The following SLC35A1 variants were observed in gnomAD, a reference collection of about 807,000 sequenced individuals.
The protein encoded by SLC35A1 is CMP-sialic acid transporter.
In SLC35A1, 21 loss-of-function variants were observed where a neutral mutation model predicts 40.3. That is an observed-to-expected ratio of 0.52 (90% CI 0.37 to 0.75). The LOEUF (loss-of-function observed/expected upper bound fraction) is 0.75, where lower values mean the gene tolerates loss of function less well. SLC35A1 is among the 30% of genes least tolerant of loss of function. The pLI is 0.00. For missense variants in SLC35A1, 297 were observed against 382.1 expected, an observed-to-expected ratio of 0.78 and a Z score of 1.86; for synonymous variants, 146 against 147.3, an observed-to-expected ratio of 0.99 and a Z score of 0.06.
rs546238007 is a variant in SLC35A1 at position 87,511,231 on chromosome 6, C to G, written c.887-168C>G. Among the ~76,000 whole-genome samples, 4 of 152,160 alleles carry G rather than the reference C, an allele frequency of 2.6e-5. No individual in the cohort carries two copies. In the South Asian group the frequency reaches 8.3e-4, roughly 32 times the overall value. On this transcript the variant is annotated intron_variant, in intron 7 of 7. Coordinates refer to ENST00000369552, the MANE Select transcript of SLC35A1 (RefSeq NM_006416.5). ...CTTGATTTTACCCGCCCTGCCTCCC[C>G]CTCTCCTTTTTTTTGGCTGTAATGG...
intron 4 of SLC35A1, among the ~76,000 whole-genome samples, chr6:87,502,004 CTACAGTTGAATATT>C (rs1769935371): frequency 6.6e-6 from 1 of 152,192 alleles, no homozygotes; most frequent in Admixed American, 6.5e-5. Context: ...CAGGAGTTTC[CTACAGTTGAATATT>C]TACTCTAACT....
At position 87,477,792 on chromosome 6, in the gene SLC35A1, C is replaced by T. The variant is rs76188279; in HGVS notation, c.194+253C>T. On this transcript the variant is annotated intron_variant, in intron 2 of 7. Transcript: ENST00000369552. ...TGACAGCCTCACAACAAAGATTTATCCAGCCCCAAATGTCAGTACTGCTGA... is the reference window on the plus strand; with the variant it reads ...TGACAGCCTCACAACAAAGATTTATTCAGCCCCAAATGTCAGTACTGCTGA... Among the ~76,000 whole-genome samples the T allele has an allele frequency of 0.077, 11,659 of 152,130 alleles. 476 individuals carry two copies. Among genetic ancestry groups the T allele is most frequent in the East Asian group, 0.096 (496 of 5,176 alleles).
At chr6:87,504,678 C>T (rs1017278766) in intron 4 of SLC35A1, among the ~76,000 whole-genome samples, 1 of 152,216 alleles carries the variant, frequency 6.6e-6, no homozygotes, top group Admixed American at 6.5e-5. Context: ...GTTCCCATCA[C>T]ATCTACTTCA....
intron 4 of SLC35A1, among the ~76,000 whole-genome samples, 185 bp downstream of exon 4, chr6:87,501,495 CT>C (rs1179160053): frequency 1.3e-5 from 2 of 152,046 alleles, no homozygotes; most frequent in African/African-American, 4.8e-5. Context: ...TTGGTTGTTT[CT>C]CAGAGGAGAA....
chr6:87,511,283 A>G, intron 7 of SLC35A1, 116 bp from the exon 8 acceptor site: 1 of 1,139,026 alleles, frequency 8.8e-7, no homozygotes, highest in Non-Finnish European at 1.3e-6. Flanking sequence ...TTGCCATCAT[A>G]AAAATATGAT....
chr6:87,499,796 A>G (rs1372660514), intron 2 of SLC35A1, among the ~76,000 whole-genome samples: 3 of 152,206 alleles, frequency 2.0e-5, no homozygotes, highest in Non-Finnish European at 4.4e-5. Flanking sequence ...TTTATTTGCA[A>G]TTAAATCTAT....
At chr6:87,496,285 A>G (rs2127972081) in intron 2 of SLC35A1, 1 of 152,348 alleles carries the variant, frequency 6.6e-6, no homozygotes, top group Middle Eastern at 3.4e-3. Flanking sequence ...AAGGTTGCAC[A>G]GGGTCTATTC....
chr6:87,511,687 T>A lies in SLC35A1; in HGVS notation c.*161T>A. The A allele has an allele frequency of 1.3e-6, 1 of 768,610 alleles. No individual in the cohort carries two copies. The highest frequency in any genetic ancestry group is 2.6e-5 in the East Asian group (1 of 38,198). 47.6% of individuals were successfully genotyped at this position (768,610 alleles called of 1,614,324 possible). A position where few individuals can be genotyped will look rare whatever the true frequency, so the allele number is the denominator to read the frequency against. On this transcript the variant is annotated 3_prime_UTR_variant, in exon 8 of 8. Transcript: ENST00000369552. ...CAACAAACAAACGAAGCTATCTGAG[T>A]GAACTGCTAATACAGAAACTTAATG... is the stretch of plus-strand genomic sequence containing the variant.
intron 2 of SLC35A1, among the ~76,000 whole-genome samples, chr6:87,484,071 C>T (rs903896892): frequency 3.3e-5 from 5 of 152,176 alleles, no homozygotes; most frequent in East Asian, 1.9e-4. Context: ...TACTGGCTCC[C>T]GTGGTTTCTT....
chr6:87,483,684 TCTTGC>T (rs967891389), intron 2 of SLC35A1, among the ~76,000 whole-genome samples: 1 of 152,048 alleles, frequency 6.6e-6, no homozygotes, highest in African/African-American at 2.4e-5. Flanking sequence ...ACCAGGGATG[TCTTGC>T]CTTGCCTGCT....
intron 7 of SLC35A1, among the ~76,000 whole-genome samples, chr6:87,510,195 A>G (rs972389403): frequency 1.3e-5 from 2 of 152,184 alleles, no homozygotes; most frequent in African/African-American, 2.4e-5. Flanking sequence ...GTTTGACACT[A>G]CTTACCAACC....
At chr6:87,480,604 G>T (rs1448820411) in intron 2 of SLC35A1, among the ~76,000 whole-genome samples, 1 of 152,192 alleles carries the variant, frequency 6.6e-6, no homozygotes, top group East Asian at 1.9e-4. Flanking sequence ...GGCAGTTGTA[G>T]GAGGTAGAGC....
intron 2 of SLC35A1, among the ~76,000 whole-genome samples, chr6:87,499,371 T>A (rs1301285450): frequency 1.3e-5 from 2 of 152,214 alleles, no homozygotes; most frequent in African/African-American, 4.8e-5. Flanking sequence ...CTTAAGGATA[T>A]CGTGAGCTGC....
chr6:87,504,984 T>C (rs1428561022), intron 4 of SLC35A1, among the ~76,000 whole-genome samples: 1 of 152,230 alleles, frequency 6.6e-6, no homozygotes, highest in Non-Finnish European at 1.5e-5. Context: ...AACTGGAAGG[T>C]TGGTTGAAAC....
chr6:87,479,464 C>T lies in SLC35A1; in HGVS notation c.194+1925C>T, dbSNP rs192945572. On this transcript the variant is annotated intron_variant, in intron 2 of 7. Transcript: ENST00000369552. ...TGTTATTCCTTTCCATTTACCGAAC[C>T]ACTTTTCTAGCCATCCTGTAAAGGG... 4.2e-3 allele frequency among the ~76,000 whole-genome samples: 641 copies of T among 152,274 alleles called. 6 individuals carry two copies. Among genetic ancestry groups the T allele is most frequent in the African/African-American group, 0.013 (547 of 41,546 alleles).
At chr6:87,482,167 T>C (rs62419373) in intron 2 of SLC35A1, among the ~76,000 whole-genome samples, 4,834 of 152,304 alleles carry the variant, frequency 0.032, 109 homozygotes, top group Middle Eastern at 0.058. Context: ...AACATCGCTT[T>C]CTTTAAATAA....
At chr6:87,477,259 T>C (rs1394615988) in intron 1 of SLC35A1, 103 bp from the exon 2 acceptor site, 1 of 1,115,578 alleles carries the variant, frequency 9.0e-7, no homozygotes, top group Non-Finnish European at 1.3e-6. Flanking sequence ...GAAAATATTT[T>C]GTGCTTGGAA....
intron 1 of SLC35A1, among the ~76,000 whole-genome samples, chr6:87,475,521 GAA>G (rs1271831479): frequency 6.6e-6 from 1 of 152,152 alleles, no homozygotes; most frequent in Non-Finnish European, 1.5e-5. Flanking sequence ...CTTTTGGAAA[GAA>G]AGTTTAAGCA....
In SLC35A1 at chr6:87,477,524, T is replaced by C. The variant is rs1467752239; in HGVS notation, c.179T>C (p.Val60Ala). ...ITEVIKLLLS[V>A]GILAKETGSL... ...GAAGTTATAAAGTTATTGCTAAGTG[T>C]GGGAATTTTAGCTAAGTGAGTATAA... The change falls in exon 2 of 8, where the codon GTG (valine) becomes GCG (alanine). Residue 60 changes from valine (V) to alanine (A), a missense_variant. By Grantham distance (64) the Val-to-Ala change is moderately conservative. Coordinates refer to ENST00000369552, the MANE Select transcript of SLC35A1 (RefSeq NM_006416.5). 2.5e-6 allele frequency: 4 copies of C among 1,613,730 alleles called. No homozygotes were observed. The highest frequency in any genetic ancestry group is 3.4e-6 in the Non-Finnish European group (4 of 1,179,652).
Sources: gnomAD v4.1 joint callset for allele counts (sites outside exome capture counted in the v4.1 genomes callset) on GRCh38, gnomAD v4.1.1 for gene constraint, MANE v1.5 for transcripts, NCBI Gene and HGNC (gene_info 2026-07-23, HGNC 2026-07-21) for gene names.